Variants in TRPM3 observed in about 807,000 individuals in gnomAD.
TRPM3 encodes the protein transient receptor potential cation channel subfamily M member 3.
In TRPM3, 77 loss-of-function variants were observed where a neutral mutation model predicts 181.2. The ratio of observed to expected loss-of-function variants is 0.42; its 90% CI spans 0.35 to 0.51. TRPM3 has a LOEUF of 0.51. Ranked by LOEUF, TRPM3 falls within the 20% of genes least tolerant of loss-of-function variation. The pLI, the probability that TRPM3 is intolerant of heterozygous loss-of-function variation, is 0.01. For synonymous variants in TRPM3, 745 were observed against 796.4 expected, an observed-to-expected ratio of 0.94 and a Z score of 1.09; for missense variants, 1,759 against 2,196.7, an observed-to-expected ratio of 0.80 and a Z score of 3.98.
intron 1 of TRPM3, among the ~76,000 whole-genome samples, chr9:71,212,435 TGTTA>T: frequency 6.9e-6 from 1 of 145,518 alleles, no homozygotes; most frequent in Non-Finnish European, 1.5e-5. Context: ...TCCTTGAGTT[TGTTA>T]ATCAGTATTA....
intron 1 of TRPM3, among the ~76,000 whole-genome samples, chr9:70,951,811 TTAAC>T (rs1005854215): frequency 6.6e-6 from 1 of 152,204 alleles, no homozygotes; most frequent in African/African-American, 2.4e-5. Flanking sequence ...AAGGAATGCC[TTAAC>T]TAACAAACAT....
Position 70,620,071 on chromosome 9 carries a change from C to T in TRPM3, c.2129+5G>A. On this transcript the variant is annotated splice_donor_5th_base_variant and intron_variant, in intron 16 of 25. Coordinates refer to ENST00000677713, the MANE Select transcript of TRPM3 (RefSeq NM_001366145.2). ...TGACCAGCCCATTTTGCTGGGCGGACCCACCTGGAATTGTGATTCAGCTCC... is the reference window on the plus strand; with the variant it reads ...TGACCAGCCCATTTTGCTGGGCGGATCCACCTGGAATTGTGATTCAGCTCC... 2 of 1,599,088 alleles carry T rather than the reference C, an allele frequency of 1.3e-6. No individual in the cohort carries two copies.
intron 6 of TRPM3, among the ~76,000 whole-genome samples, chr9:70,798,854 C>T (rs755898161): frequency 6.6e-6 from 1 of 152,144 alleles, no homozygotes; most frequent in African/African-American, 2.4e-5. Context: ...GCCTTAACTA[C>T]GGGGCCTCAG....
At chr9:71,143,909 T>C (rs1319620836) in intron 1 of TRPM3, among the ~76,000 whole-genome samples, 1 of 152,196 alleles carries the variant, frequency 6.6e-6, no homozygotes, top group African/African-American at 2.4e-5. Context: ...TGGTATCTCA[T>C]TGTGCTTTTG....
intron 1 of TRPM3, among the ~76,000 whole-genome samples, chr9:71,048,397 A>G (rs921257593): frequency 3.9e-5 from 6 of 152,144 alleles, no homozygotes; most frequent in Non-Finnish European, 5.9e-5. Context: ...GTAGCCTTTC[A>G]CTAAGCTACA....
chr9:70,653,764 T>C (rs1249579315), intron 9 of TRPM3, among the ~76,000 whole-genome samples: 4 of 150,710 alleles, frequency 2.7e-5, no homozygotes, highest in Non-Finnish European at 5.9e-5. Flanking sequence ...CCCTTCACCA[T>C]CTGCTTTACT....
chr9:70,867,678 T>C (rs1458360037), intron 1 of TRPM3, among the ~76,000 whole-genome samples: 2 of 152,076 alleles, frequency 1.3e-5, no homozygotes, highest in Non-Finnish European at 2.9e-5. Flanking sequence ...TAGAAAAGTA[T>C]AAGACACAAT....
intron 1 of TRPM3, among the ~76,000 whole-genome samples, chr9:71,400,941 T>C (rs2093328447): frequency 6.6e-6 from 1 of 152,174 alleles, no homozygotes; most frequent in Non-Finnish European, 1.5e-5. Flanking sequence ...CTCATGCCTG[T>C]AATCCCAGCA....
chr9:71,306,613 C>A (rs774480738), intron 1 of TRPM3, among the ~76,000 whole-genome samples: 1 of 152,118 alleles, frequency 6.6e-6, no homozygotes, highest in Non-Finnish European at 1.5e-5. Context: ...TGGTGGCTCA[C>A]GCCTGTAATC....
rs1263816122 is a variant in TRPM3, at chr9:70,792,663, G to GAC, written c.974-8385_974-8384insGT. Among the ~76,000 whole-genome samples the GAC allele has an allele frequency of 7.3e-5, 9 of 123,150 alleles. No homozygotes were observed. In the East Asian group the frequency reaches 7.9e-4, roughly 11 times the overall value. 80.8% of individuals were successfully genotyped at this position (123,150 alleles called of 152,430 possible). A position where few individuals can be genotyped will look rare whatever the true frequency, so the allele number is the denominator to read the frequency against. ...AAAGAGGTGGAGAGACAGAAAGACAGAGAGAGAGAGAGAGAGAGAGAGAAC... is the reference window on the plus strand; with the variant it reads ...AAAGAGGTGGAGAGACAGAAAGACAGACAGAGAGAGAGAGAGAGAGAGAGAAC... On this transcript the variant is annotated intron_variant, in intron 6 of 25. Coordinates refer to ENST00000677713, the MANE Select transcript of TRPM3 (RefSeq NM_001366145.2).
intron 8 of TRPM3, among the ~76,000 whole-genome samples, chr9:70,701,837 C>T (rs1463094630): frequency 1.3e-5 from 2 of 151,996 alleles, no homozygotes; most frequent in Admixed American, 6.6e-5. Context: ...GTCCACCGCT[C>T]CTCTAAGCAT....
At chr9:71,227,663 C>T (rs533863775) in intron 1 of TRPM3, among the ~76,000 whole-genome samples, 7 of 151,604 alleles carry the variant, frequency 4.6e-5, no homozygotes, top group African/African-American at 1.7e-4. Flanking sequence ...ACATTAGAAC[C>T]AATACTGCAG....
chr9:70,771,087 C>T (rs2080164883), intron 7 of TRPM3, among the ~76,000 whole-genome samples: 1 of 152,096 alleles, frequency 6.6e-6, no homozygotes, highest in Non-Finnish European at 1.5e-5. Flanking sequence ...TGCTAAGATG[C>T]CTTGAAACCA....
chr9:71,332,905 A>G (rs762551861), intron 1 of TRPM3, among the ~76,000 whole-genome samples: 4 of 151,928 alleles, frequency 2.6e-5, no homozygotes, highest in Non-Finnish European at 5.9e-5. Flanking sequence ...ACAGTTTTAA[A>G]TCATTGAAAT....
At chr9:71,155,627 T>C (rs893648597) in intron 1 of TRPM3, among the ~76,000 whole-genome samples, 4 of 151,970 alleles carry the variant, frequency 2.6e-5, no homozygotes, top group African/African-American at 4.8e-5. Context: ...AGTGCTAGGA[T>C]TACAGGCCTG....
chr9:71,292,310 A>C (rs2085884029), intron 1 of TRPM3, among the ~76,000 whole-genome samples: 1 of 152,000 alleles, frequency 6.6e-6, no homozygotes, highest in Non-Finnish European at 1.5e-5. Context: ...AAAAAATAAC[A>C]ATCAAAAGCT....
At chr9:70,698,014 C>A (rs1226765189) in intron 8 of TRPM3, among the ~76,000 whole-genome samples, 1 of 152,040 alleles carries the variant, frequency 6.6e-6, no homozygotes, top group East Asian at 1.9e-4. Flanking sequence ...TCGAGACCAG[C>A]CTAGCCAACA....
At chr9:71,392,252 T>C (rs1345100397) in intron 1 of TRPM3, among the ~76,000 whole-genome samples, 1 of 152,134 alleles carries the variant, frequency 6.6e-6, no homozygotes, top group Non-Finnish European at 1.5e-5. Flanking sequence ...GACATCAGAC[T>C]GGCAGTTTGA....
intron 1 of TRPM3, among the ~76,000 whole-genome samples, chr9:70,867,105 C>T (rs1271640139): frequency 1.3e-5 from 2 of 152,012 alleles, no homozygotes; most frequent in African/African-American, 4.8e-5. Context: ...CTAATTCTTT[C>T]CCCCTATCAT....
Sources: gnomAD v4.1 joint callset for allele counts (sites outside exome capture counted in the v4.1 genomes callset) on GRCh38, gnomAD v4.1.1 for gene constraint, MANE v1.5 for transcripts, NCBI Gene and HGNC (gene_info 2026-07-23, HGNC 2026-07-21) for gene names.